The following FABP6 variants were observed in gnomAD, a reference collection of about 807,000 sequenced individuals.
FABP6 encodes gastrotropin.
A neutral mutation model predicts 14.9 loss-of-function variants in FABP6; 13 were observed. That is an observed-to-expected ratio of 0.87 (90% confidence interval 0.57 to 1.39). FABP6 has a LOEUF of 1.39. FABP6 is among the 40% of genes most tolerant of loss of function. FABP6 has a pLI of 0.00. For missense variants in FABP6, 161 were observed against 167.2 expected (o/e 0.96, Z 0.20); for synonymous variants, 75 against 63.6 (o/e 1.18, Z -0.85).
intron 1 of FABP6, among the ~76,000 whole-genome samples, chr5:160,188,325 T>A (rs932104622): frequency 6.6e-6 from 1 of 152,022 alleles, no homozygotes; most frequent in Non-Finnish European, 1.5e-5. Flanking sequence ...AAGCTGGGTG[T>A]GTCTTCTGTG....
Position 160,232,150 on chromosome 5 carries a change from G to A in FABP6, c.120G>A (p.Glu40=), listed in dbSNP as rs757513453. Residue 40 remains glutamate (E), a synonymous_variant, in exon 2 of 4, where the codon GAG becomes GAA. Transcript: ENST00000402432. ...EKARNFKIVT[E]VQQDGQDFTW... ...CCCGCAACTTCAAGATCGTCACGGAGGTGCAGCAGGATGGGCAGGACTTCA... is the reference window on the plus strand; with the variant it reads ...CCCGCAACTTCAAGATCGTCACGGAAGTGCAGCAGGATGGGCAGGACTTCA... 3.7e-6 allele frequency: 6 copies of A among 1,613,954 alleles called. No homozygotes were observed. The highest frequency in any genetic ancestry group is 1.3e-5 in the African/African-American group (1 of 74,914).
intron 2 of FABP6, chr5:160,199,242 G>T (rs1457295112): frequency 2.1e-5 from 29 of 1,381,246 alleles, no homozygotes; most frequent in Non-Finnish European, 2.9e-5. Flanking sequence ...CTTGGGTGGG[G>T]GACTTGCTCG....
At chr5:160,233,037 A>G (rs1473704230) in intron 2 of FABP6, among the ~76,000 whole-genome samples, 2 of 148,442 alleles carry the variant, frequency 1.3e-5, no homozygotes, top group African/African-American at 5.0e-5. Flanking sequence ...GCTGGAGTGC[A>G]GTGTCATGAT....
exon 3 of FABP6, chr5:160,213,763 A>G: frequency 6.2e-7 from 1 of 1,613,960 alleles, no homozygotes; most frequent in Non-Finnish European, 8.5e-7. Context: ...GTCTGCGTGC[A>G]CATGGGTGAG....
intron 1 of FABP6, among the ~76,000 whole-genome samples, chr5:160,187,742 A>ATTATAT (rs1554110860): frequency 6.6e-6 from 1 of 150,562 alleles, no homozygotes; most frequent in Non-Finnish European, 1.5e-5. Flanking sequence ...AATATTTGCT[A>ATTATAT]TTATTTATTT....
intron 2 of FABP6, among the ~76,000 whole-genome samples, chr5:160,201,874 C>T (rs549028359): frequency 3.9e-5 from 6 of 152,280 alleles, no homozygotes; most frequent in Non-Finnish European, 7.3e-5. Flanking sequence ...GTGATCCTCC[C>T]ACCTCAGCCT....
chr5:160,212,875 C>T (rs1241743915), intron 2 of FABP6, among the ~76,000 whole-genome samples: 1 of 152,208 alleles, frequency 6.6e-6, no homozygotes. Flanking sequence ...CCTCGGCCTC[C>T]CAAAGTGCTA....
intron 2 of FABP6, among the ~76,000 whole-genome samples, chr5:160,210,634 TGTAGAGCAGTGCACCCC>T (rs1759867489): frequency 6.6e-6 from 1 of 152,186 alleles, no homozygotes; most frequent in Non-Finnish European, 1.5e-5. Context: ...TGCTCACCTT[TGTAGAGCAGTGCACCCC>T]AGGGAGAAAA....
At chr5:160,187,662 T>C (rs929137060) in intron 1 of FABP6, among the ~76,000 whole-genome samples, 2 of 152,144 alleles carry the variant, frequency 1.3e-5, no homozygotes, top group African/African-American at 4.8e-5. Context: ...CTTGAGCCTG[T>C]AGTGCTGAAG....
chr5:160,217,892 C>T (rs567813453), intron 3 of FABP6, among the ~76,000 whole-genome samples: 1 of 152,194 alleles, frequency 6.6e-6, no homozygotes, highest in East Asian at 1.9e-4. Flanking sequence ...AATCTCCCAC[C>T]TCAGGCTCCC....
At chr5:160,234,747 C>T (rs60865693) in intron 2 of FABP6, 73 bp from the exon 3 acceptor site, 206,830 of 1,222,638 alleles carry the variant, frequency 0.17, 18,713 homozygotes, top group Admixed American at 0.29. Context: ...CTTCTTACTG[C>T]CCGCGCCACC....
intron 1 of FABP6, among the ~76,000 whole-genome samples, 176 bp downstream of exon 1, chr5:160,229,800 G>T (rs1334313644): frequency 2.6e-5 from 4 of 151,822 alleles, no homozygotes; most frequent in Non-Finnish European, 5.9e-5. Context: ...AGGATAATAA[G>T]AACTAAGACA....
At chr5:160,222,094 T>C (rs1309282178) in intron 3 of FABP6, among the ~76,000 whole-genome samples, 1 of 128,898 alleles carries the variant, frequency 7.8e-6, no homozygotes, top group African/African-American at 2.7e-5. Flanking sequence ...TTTTTTCTTT[T>C]CTTTTTTTTT....
At chr5:160,231,075 A>G (rs1760369917) in intron 1 of FABP6, among the ~76,000 whole-genome samples, 2 of 152,178 alleles carry the variant, frequency 1.3e-5, no homozygotes, top group Admixed American at 1.3e-4. Flanking sequence ...AGGACAGCTC[A>G]AGGGGACCCG....
At chr5:160,226,781 T>C (rs1760256390), upstream of FABP6, among the ~76,000 whole-genome samples, 1 of 152,192 alleles carries the variant, frequency 6.6e-6, no homozygotes, top group African/African-American at 2.4e-5. Flanking sequence ...TTGTTATTAT[T>C]ATCAGTCATT....
In FABP6 at chr5:160,210,944, T is replaced by C. The variant is rs114998633; in HGVS notation, c.52-2792T>C. Among the ~76,000 whole-genome samples the C allele has an allele frequency of 5.0e-3, 768 of 152,282 alleles. 8 individuals are homozygous for C. The highest frequency in any genetic ancestry group is 0.018 in the African/African-American group (735 of 41,554). ...TGGCAGGAGAGGGGGCAATGAATGA[T>C]TGCATGGGAGCGGGACGACCTTTTG... On this transcript the variant is annotated intron_variant, in intron 2 of 6. Transcript: ENST00000393980.
chr5:160,236,508 T>C, intron 3 of FABP6, among the ~76,000 whole-genome samples: 1 of 152,150 alleles, frequency 6.6e-6, no homozygotes, highest in East Asian at 1.9e-4. Flanking sequence ...ATTATACTTA[T>C]TTTACAGAGC....
rs769819096 is a variant in FABP6 at position 160,232,127 on chromosome 5, C to G, written c.97C>G (p.Arg33Gly). ...GISSDVIEKA[R>G]NFKIVTEVQQ... Reference sequence around the variant, plus strand: ...CTCCAGCGATGTAATCGAAAAGGCCCGCAACTTCAAGATCGTCACGGAGGT... The same window carrying G: ...CTCCAGCGATGTAATCGAAAAGGCCGGCAACTTCAAGATCGTCACGGAGGT... Residue 33 changes from arginine to glycine, a missense_variant, in exon 2 of 4, where the codon CGC becomes GGC. Arg to Gly is a moderately radical substitution (Grantham distance 125). Transcript: ENST00000402432. 2 of 1,613,978 alleles carry G rather than the reference C, an allele frequency of 1.2e-6. No homozygotes were observed. Among genetic ancestry groups the G allele is most frequent in the South Asian group, 1.1e-5 (1 of 91,056 alleles).
chr5:160,191,388 A>C (rs1759390613), intron 1 of FABP6, among the ~76,000 whole-genome samples: 1 of 151,772 alleles, frequency 6.6e-6, no homozygotes, highest in Admixed American at 6.6e-5. Context: ...AATCGCTTGA[A>C]ACCGGGAGGC....
Sources: gnomAD v4.1 joint callset for allele counts (sites outside exome capture counted in the v4.1 genomes callset) on GRCh38, gnomAD v4.1.1 for gene constraint, MANE v1.5 for transcripts, NCBI Gene and HGNC (gene_info 2026-07-23, HGNC 2026-07-21) for gene names.